The following COL21A1 variants were observed in gnomAD, a reference collection of about 807,000 sequenced individuals.
COL21A1 encodes the protein collagen alpha-1(XXI) chain.
A neutral mutation model predicts 137.9 loss-of-function variants in COL21A1; 149 were observed. The observed-to-expected ratio is 1.08, with a 90% CI of 0.95 to 1.24. The LOEUF (loss-of-function observed/expected upper bound fraction) is 1.24. COL21A1 is among the 50% of genes most tolerant of loss of function. The pLI is 0.00. For missense variants in COL21A1, 1,167 were observed against 1,158.4 expected (o/e 1.01, Z -0.11); for synonymous variants, 456 against 391.5 (o/e 1.16, Z -1.95).
At chr6:56,338,423 G>A (rs1011530751) in intron 1 of COL21A1, among the ~76,000 whole-genome samples, 1 of 151,370 alleles carries the variant, frequency 6.6e-6, no homozygotes, top group African/African-American at 2.4e-5. Context: ...TCTGACAATG[G>A]AGATAGGCTC....
chr6:56,359,485 T>G (rs984291587), intron 1 of COL21A1, among the ~76,000 whole-genome samples: 1 of 152,082 alleles, frequency 6.6e-6, no homozygotes, highest in Non-Finnish European at 1.5e-5. Flanking sequence ...TGGAAGTAGG[T>G]GGGGGTTGGT....
intron 1 of COL21A1, among the ~76,000 whole-genome samples, chr6:56,363,768 C>T (rs1766030833): frequency 1.8e-5 from 1 of 56,156 alleles, no homozygotes; most frequent in South Asian, 7.5e-4. Context: ...TCTGACTGGA[C>T]AACCCAAAAT....
chr6:56,148,368 G>GAGAGAA (rs1208798741), intron 10 of COL21A1, among the ~76,000 whole-genome samples: 33 of 150,232 alleles, frequency 2.2e-4, no homozygotes, highest in African/African-American at 7.4e-4. Flanking sequence ...GAGAGAGAGA[G>GAGAGAA]AAACACATAA....
Position 56,182,573 on chromosome 6 carries a change from GA to G in COL21A1, c.45del (p.Leu16PhefsTer6). 1 of 1,606,146 alleles carries G rather than the reference GA, an allele frequency of 6.2e-7. No individual in the cohort carries two copies. Among genetic ancestry groups the G allele is most frequent in the Non-Finnish European group, 8.5e-7 (1 of 1,175,522 alleles). On this transcript the variant is annotated frameshift_variant, in exon 2 of 30. Coordinates refer to ENST00000244728, the MANE Select transcript of COL21A1 (RefSeq NM_030820.4). LOFTEE classifies it high-confidence loss of function. ...ITFLCMVLVL[L>X]LQNSVLAEDG... ...TCTTCAGCTAACACAGAATTCTGAA[GA>G]AGCAGCACCAAAACCATGCAGAGAA...
chr6:56,375,262 C>G (rs1018529053), intron 1 of COL21A1, among the ~76,000 whole-genome samples: 1 of 152,196 alleles, frequency 6.6e-6, no homozygotes, highest in Admixed American at 6.5e-5. Context: ...ATATTTTCCA[C>G]TTGGCCCTCC....
intron 1 of COL21A1, among the ~76,000 whole-genome samples, chr6:56,365,235 A>G (rs1766069905): frequency 6.6e-6 from 1 of 152,202 alleles, no homozygotes; most frequent in African/African-American, 2.4e-5. Flanking sequence ...AATGACTCAC[A>G]GGAATAAATC....
At chr6:56,124,818 T>G (rs138680483) in intron 14 of COL21A1, among the ~76,000 whole-genome samples, 1,955 of 151,810 alleles carry the variant, frequency 0.013, 38 homozygotes, top group East Asian at 0.055. Flanking sequence ...ATTTTGTTTT[T>G]GTATTTTTAC....
chr6:56,315,903 T>G (rs767235509), intron 1 of COL21A1, among the ~76,000 whole-genome samples: 1 of 152,216 alleles, frequency 6.6e-6, no homozygotes, highest in African/African-American at 2.4e-5. Context: ...GTGATAGATA[T>G]GTTAAATTAG....
intron 1 of COL21A1, among the ~76,000 whole-genome samples, chr6:56,389,235 A>C (rs2094024417): frequency 6.6e-6 from 1 of 151,806 alleles, no homozygotes. Flanking sequence ...GGTGGCGTGC[A>C]CCTGTAGTCC....
In COL21A1 at chr6:56,101,418, T is replaced by C. The variant is rs149127974; in HGVS notation, c.1812+54A>G. 3.3e-4 allele frequency: 450 copies of C among 1,344,996 alleles called. 4 individuals carry two copies. The East Asian group carries it at 0.01, about 30-fold the overall frequency. The allele number at this position is 1,344,996 out of a possible 1,614,324, so 83.3% of individuals were successfully genotyped here. A position where few individuals can be genotyped will look rare whatever the true frequency, so the allele number is the denominator to read the frequency against. On this transcript the variant is annotated intron_variant, in intron 17 of 29. Coordinates refer to ENST00000244728, the MANE Select transcript of COL21A1 (RefSeq NM_030820.4). ...AAGAATTTAAATAACCAAAAAGGAT[T>C]TCGTAACAGGAAAAGAACTTCATCT...
chr6:56,085,928 A>G (rs1768202131), intron 17 of COL21A1, among the ~76,000 whole-genome samples: 1 of 148,392 alleles, frequency 6.7e-6, no homozygotes, highest in Admixed American at 6.8e-5. Flanking sequence ...TATTCATAAT[A>G]CAGATAATTT....
intron 22 of COL21A1, 105 bp downstream of exon 22, chr6:56,068,941 T>A (rs1230377451): frequency 2.7e-6 from 2 of 738,026 alleles, no homozygotes; most frequent in Non-Finnish European, 4.6e-6. Flanking sequence ...ACTTTATCAT[T>A]AAAAATATAT....
At chr6:56,132,951 T>C (rs910511029) in intron 12 of COL21A1, among the ~76,000 whole-genome samples, 1 of 152,186 alleles carries the variant, frequency 6.6e-6, no homozygotes, top group Non-Finnish European at 1.5e-5. Context: ...AAACTGTCAG[T>C]CCATTAAACC....
chr6:56,325,988 ATG>A (rs1331262701), intron 1 of COL21A1, among the ~76,000 whole-genome samples: 2,240 of 13,426 alleles, frequency 0.17, 599 homozygotes, highest in East Asian at 0.55. Context: ...TATATAATAT[ATG>A]TATATACATA....
intron 12 of COL21A1, among the ~76,000 whole-genome samples, chr6:56,133,896 C>T (rs781735146): frequency 2.0e-5 from 3 of 152,214 alleles, no homozygotes; most frequent in Non-Finnish European, 2.9e-5. Flanking sequence ...ACCTAGACTT[C>T]AGAGGATGTA....
chr6:56,130,194 TATATATATATATATATAA>T (rs1213384611), intron 12 of COL21A1, among the ~76,000 whole-genome samples: 60 of 15,776 alleles, frequency 3.8e-3, no homozygotes, highest in African/African-American at 0.01. Flanking sequence ...TATATATATA[TATATATATATATATATAA>T]AATTTCAAAT....
At chr6:56,270,268 T>C (rs1338901203) in intron 1 of COL21A1, among the ~76,000 whole-genome samples, 1 of 152,218 alleles carries the variant, frequency 6.6e-6, no homozygotes, top group Non-Finnish European at 1.5e-5. Context: ...AGATTGCTAT[T>C]CTTATGTCAG....
intron 1 of COL21A1, among the ~76,000 whole-genome samples, chr6:56,393,304 A>C (rs2094033537): frequency 6.6e-6 from 1 of 152,228 alleles, no homozygotes; most frequent in Non-Finnish European, 1.5e-5. Flanking sequence ...TGTGCAGAAG[A>C]ATGAAACTTG....
At chr6:56,229,008 A>C (rs1781380572) in intron 1 of COL21A1, among the ~76,000 whole-genome samples, 1 of 152,002 alleles carries the variant, frequency 6.6e-6, no homozygotes, top group African/African-American at 2.4e-5. Context: ...GAAATGTCAA[A>C]AATTGTTACT....
Sources: allele counts gnomAD v4.1 joint callset (sites outside exome capture counted in the v4.1 genomes callset), GRCh38; gene constraint gnomAD v4.1.1; transcripts MANE v1.5; gene names NCBI Gene and HGNC (gene_info 2026-07-23, HGNC 2026-07-21).